ARB2A: variants seen among roughly 807,000 people sequenced by gnomAD.
The protein encoded by ARB2A is cotranscriptional regulator ARB2A.
chr5:94,007,233 C>A, the ARB2A span, among the ~76,000 whole-genome samples: 11 of 152,056 alleles, frequency 7.2e-5, no homozygotes, highest in Non-Finnish European at 1.5e-5. Context: ...AAAAAATTAA[C>A]CCATCTCTTA....
the ARB2A span, among the ~76,000 whole-genome samples, chr5:93,748,687 T>C: frequency 3.3e-5 from 5 of 151,972 alleles, no homozygotes; most frequent in African/African-American, 7.2e-5. Flanking sequence ...AAAGGATAAA[T>C]TGTGATTTTT....
chr5:94,010,647 A>T, the ARB2A span, among the ~76,000 whole-genome samples: 1 of 152,116 alleles, frequency 6.6e-6, no homozygotes. Flanking sequence ...TCTCATTTAC[A>T]GTCTATATAA....
chr5:93,957,008 A>G, the ARB2A span, among the ~76,000 whole-genome samples: 128 of 152,310 alleles, frequency 8.4e-4, no homozygotes, highest in African/African-American at 3.0e-3. Flanking sequence ...TTTTCAAGGA[A>G]TCATGAATTG....
the ARB2A span, among the ~76,000 whole-genome samples, chr5:93,729,394 T>C: frequency 6.6e-6 from 1 of 152,082 alleles, no homozygotes; most frequent in African/African-American, 2.4e-5. Flanking sequence ...GGATGAAGTA[T>C]AGAGGTACAA....
the ARB2A span, among the ~76,000 whole-genome samples, chr5:93,770,907 C>T: frequency 6.6e-6 from 1 of 152,066 alleles, no homozygotes; most frequent in Non-Finnish European, 1.5e-5. Flanking sequence ...CAATGCCATC[C>T]CCATCAAGCT....
the ARB2A span, among the ~76,000 whole-genome samples, chr5:93,903,744 TATAGTCCTAGCCACATAGCAG>T: frequency 1.3e-5 from 2 of 151,398 alleles, no homozygotes; most frequent in Non-Finnish European, 3.0e-5. Flanking sequence ...TGTGTGTGTG[TATAGTCCTAGCCACATAGCAG>T]ATAGTCCTAG....
the ARB2A span, among the ~76,000 whole-genome samples, chr5:93,895,304 T>G: frequency 6.6e-6 from 1 of 152,166 alleles, no homozygotes; most frequent in African/African-American, 2.4e-5. Context: ...GCTTTCCGAG[T>G]CTTCCAAGTG....
At chr5:93,761,945 C>T in the ARB2A span, among the ~76,000 whole-genome samples, 4 of 152,180 alleles carry the variant, frequency 2.6e-5, no homozygotes, top group Admixed American at 6.5e-5. Flanking sequence ...CAGGCAGGGT[C>T]TGGAGTAGAC....
At chr5:94,077,433 A>G in the ARB2A span, among the ~76,000 whole-genome samples, 1 of 152,184 alleles carries the variant, frequency 6.6e-6, no homozygotes, top group African/African-American at 2.4e-5. Context: ...GCAGTTGCAA[A>G]GCAGGTAAGC....
At chr5:93,874,484 A>G in the ARB2A span, among the ~76,000 whole-genome samples, 3 of 152,198 alleles carry the variant, frequency 2.0e-5, no homozygotes, top group African/African-American at 7.2e-5. Context: ...GCATGCTGAC[A>G]GAGGGGACAG....
chr5:93,805,793 AT>A, the ARB2A span: 1 of 985,150 alleles, frequency 1.0e-6, no homozygotes, highest in Non-Finnish European at 1.2e-6. Flanking sequence ...GTTCAGTCCT[AT>A]AAACGGTTTT....
chr5:93,840,061 T>C, the ARB2A span, among the ~76,000 whole-genome samples: 3 of 152,206 alleles, frequency 2.0e-5, no homozygotes, highest in East Asian at 1.9e-4. Context: ...TTCTTTGAGG[T>C]AGATTTGCTC....
At chr5:93,769,520 T>A in the ARB2A span, among the ~76,000 whole-genome samples, 1 of 152,194 alleles carries the variant, frequency 6.6e-6, no homozygotes, top group African/African-American at 2.4e-5. Context: ...TTTTATGGAC[T>A]CTGAGGGAAA....
At chr5:93,640,570 G>C in the ARB2A span, among the ~76,000 whole-genome samples, 2 of 149,174 alleles carry the variant, frequency 1.3e-5, no homozygotes, top group South Asian at 2.1e-4. Context: ...GTGTGTGTGT[G>C]TGTATGTGTG....
the ARB2A span, among the ~76,000 whole-genome samples, chr5:93,802,031 A>G: frequency 2.0e-5 from 3 of 152,122 alleles, no homozygotes; most frequent in Admixed American, 6.6e-5. Context: ...TTTACCATGC[A>G]TATTCTGAAT....
the ARB2A span, among the ~76,000 whole-genome samples, chr5:94,093,420 T>G: frequency 6.6e-6 from 1 of 152,122 alleles, no homozygotes; most frequent in Non-Finnish European, 1.5e-5. Context: ...AAGGCTCTCT[T>G]TCTGCCTTTC....
At chr5:94,080,181 C>CA in the ARB2A span, among the ~76,000 whole-genome samples, 35 of 151,872 alleles carry the variant, frequency 2.3e-4, no homozygotes, top group Admixed American at 8.5e-4. Context: ...TTTAGAAAAA[C>CA]AGAGTATGTC....
the ARB2A span, chr5:93,740,894 T>G: frequency 1.2e-6 from 2 of 1,614,034 alleles, no homozygotes; most frequent in Admixed American, 1.7e-5. Context: ...TTCTCCAGGC[T>G]GTTTCCGATT....
At chr5:93,866,170 C>G in the ARB2A span, 1 of 985,258 alleles carries the variant, frequency 1.0e-6, no homozygotes, top group South Asian at 4.7e-5. Flanking sequence ...TTGATGGCAT[C>G]ATTTTATCAG....
Sources: allele counts gnomAD v4.1 joint callset (sites outside exome capture counted in the v4.1 genomes callset), GRCh38; gene constraint gnomAD v4.1.1; transcripts MANE v1.5; gene names NCBI Gene and HGNC (gene_info 2026-07-23, HGNC 2026-07-21).